GULP1: variants seen among roughly 807,000 people sequenced by gnomAD.
The protein encoded by GULP1 is GULP PTB domain containing engulfment adaptor 1.
GULP1 carries 19 observed loss-of-function variants against 40.9 expected under a neutral mutation model. That is an observed-to-expected ratio of 0.46 (90% CI 0.32 to 0.68). The LOEUF (loss-of-function observed/expected upper bound fraction) is 0.68. Ranked by LOEUF, GULP1 falls within the 30% of genes least tolerant of loss-of-function variation. The probability of loss-of-function intolerance (pLI) is 0.03; values close to 1 mark genes in which losing one functional copy is unlikely to be tolerated. For synonymous variants in GULP1, 119 were observed against 117.6 expected (o/e 1.01, Z -0.08); for missense variants, 312 against 362.2 (o/e 0.86, Z 1.12).
chr2:188,329,662 A>T (rs2041282102), intron 1 of GULP1, among the ~76,000 whole-genome samples: 1 of 152,152 alleles, frequency 6.6e-6, no homozygotes, highest in Non-Finnish European at 1.5e-5. Flanking sequence ...ATAAGCTTAT[A>T]ATGTGTCACT....
intron 2 of GULP1, among the ~76,000 whole-genome samples, chr2:188,416,534 C>A (rs2054604078): frequency 6.6e-6 from 1 of 152,114 alleles, no homozygotes; most frequent in Non-Finnish European, 1.5e-5. Flanking sequence ...GCTAGACACT[C>A]AGTTTCAGGA....
At chr2:188,317,907 T>G (rs1014267979) in intron 1 of GULP1, among the ~76,000 whole-genome samples, 4 of 152,082 alleles carry the variant, frequency 2.6e-5, no homozygotes, top group African/African-American at 9.7e-5. Flanking sequence ...ATTGATTTTA[T>G]GATCACAGCT....
At chr2:188,315,359 G>C (rs1311570137) in intron 1 of GULP1, among the ~76,000 whole-genome samples, 1 of 152,102 alleles carries the variant, frequency 6.6e-6, no homozygotes, top group East Asian at 1.9e-4. Flanking sequence ...AGAAAACATA[G>C]TAAATATAAG....
chr2:188,475,918 A>C (rs938543579), intron 2 of GULP1, among the ~76,000 whole-genome samples: 1 of 152,132 alleles, frequency 6.6e-6, no homozygotes, highest in South Asian at 2.1e-4. Context: ...GAAAATGCAT[A>C]ATTTCTTGGT....
chr2:188,500,793 C>T (rs962292632), intron 4 of GULP1, among the ~76,000 whole-genome samples: 1 of 151,918 alleles, frequency 6.6e-6, no homozygotes, highest in South Asian at 2.1e-4. Context: ...GATACTCCCT[C>T]AATGGGGCCC....
intron 9 of GULP1, among the ~76,000 whole-genome samples, chr2:188,571,837 T>A (rs894704512): frequency 9.2e-5 from 14 of 152,204 alleles, no homozygotes; most frequent in Non-Finnish European, 2.1e-4. Context: ...ACGTAGTTGT[T>A]TCTGGAATTC....
At position 188,551,450 on chromosome 2, in the gene GULP1, A is replaced by C. The variant is rs116532948; in HGVS notation, c.399+10132A>C. 3.1e-3 allele frequency among the ~76,000 whole-genome samples: 478 copies of C among 151,750 alleles called. 6 individuals carry two copies. The highest frequency in any genetic ancestry group is 0.01 in the African/African-American group (426 of 41,494). On this transcript the variant is annotated intron_variant, in intron 7 of 11. Transcript: ENST00000409830. ...TGTCTTTTTGTGCCTTATTTATTTC[A>C]CTTAAGATAATGACCTCCAGTTCCA...
intron 2 of GULP1, among the ~76,000 whole-genome samples, chr2:188,416,657 A>G (rs917387544): frequency 5.3e-5 from 8 of 152,188 alleles, no homozygotes; most frequent in Non-Finnish European, 1.5e-5. Context: ...TAATTCACCT[A>G]CATCAATTTG....
At chr2:188,422,648 A>G (rs1398160483) in intron 2 of GULP1, among the ~76,000 whole-genome samples, 3 of 152,104 alleles carry the variant, frequency 2.0e-5, no homozygotes, top group East Asian at 1.9e-4. Flanking sequence ...TTCAAATTTA[A>G]TTGATAATTT....
intron 7 of GULP1, among the ~76,000 whole-genome samples, chr2:188,547,373 G>A (rs1692243788): frequency 6.6e-6 from 1 of 151,864 alleles, no homozygotes; most frequent in African/African-American, 2.4e-5. Flanking sequence ...ATATATATTG[G>A]AAGTTTATTA....
intron 2 of GULP1, among the ~76,000 whole-genome samples, chr2:188,424,015 T>G (rs1450591802): frequency 6.6e-6 from 1 of 151,868 alleles, no homozygotes; most frequent in African/African-American, 2.4e-5. Flanking sequence ...TCATTTAATA[T>G]AGGCTTTAAA....
chr2:188,436,582 A>T (rs933546012), intron 2 of GULP1, among the ~76,000 whole-genome samples: 1 of 152,084 alleles, frequency 6.6e-6, no homozygotes, highest in Non-Finnish European at 1.5e-5. Flanking sequence ...AAACTGGCAA[A>T]CATGGATCCC....
intron 7 of GULP1, chr2:188,541,663 C>T (rs1045931118): frequency 1.6e-5 from 7 of 433,278 alleles, no homozygotes; most frequent in African/African-American, 1.4e-4. Flanking sequence ...ATAATACAAA[C>T]AGTAGTGGTG....
chr2:188,595,024 G>A lies in GULP1; in HGVS notation c.*1013G>A, dbSNP rs1308609799. ...TATCAATATTTGGTAAATTCAATCT[G>A]TATTTGTTTTGTTAAAGTCAAAAAT... On this transcript the variant is annotated 3_prime_UTR_variant, in exon 12 of 12. Coordinates refer to ENST00000409830, the MANE Select transcript of GULP1 (RefSeq NM_016315.4). The A allele has an allele frequency of 1.3e-4, 18 of 140,328 alleles. No individual in the cohort carries two copies. In the Admixed American group the frequency reaches 1.3e-3, roughly 10 times the overall value. The allele number at this position is 140,328 out of a possible 1,614,324, so 8.7% of individuals were successfully genotyped here. A position where few individuals can be genotyped will look rare whatever the true frequency, so the allele number is the denominator to read the frequency against.
chr2:188,477,549 G>A (rs1335896249), intron 2 of GULP1, 110 bp from the exon 3 acceptor site: 2 of 575,112 alleles, frequency 3.5e-6, no homozygotes, highest in African/African-American at 2.0e-5. Context: ...AATATTGTTT[G>A]TAAATATTTT....
At chr2:188,464,007 G>A (rs1371850268) in intron 2 of GULP1, among the ~76,000 whole-genome samples, 1 of 152,000 alleles carries the variant, frequency 6.6e-6, no homozygotes, top group Non-Finnish European at 1.5e-5. Flanking sequence ...CTCCAGGATT[G>A]TTCCCTGATG....
chr2:188,367,616 A>C (rs916739013), intron 1 of GULP1, among the ~76,000 whole-genome samples: 2 of 152,172 alleles, frequency 1.3e-5, no homozygotes, highest in Non-Finnish European at 2.9e-5. Flanking sequence ...GTGTGACAAA[A>C]GTACATTAAG....
Position 188,292,206 on chromosome 2 carries a change from C to T in GULP1, c.-172+40C>T, listed in dbSNP as rs1261480430. The T allele has an allele frequency of 6.6e-6, 1 of 152,502 alleles. No homozygotes were observed. The highest frequency in any genetic ancestry group is 2.4e-5 in the African/African-American group (1 of 41,462). The allele number at this position is 152,502 out of a possible 1,614,324, so 9.4% of individuals were successfully genotyped here. A position where few individuals can be genotyped will look rare whatever the true frequency, so the allele number is the denominator to read the frequency against. ...CTAGGCTCTTCCCTGGCTGCGAACC[C>T]AGGCTCCCTCCAGGTAGCGTGGAAT... On this transcript the variant is annotated intron_variant, in intron 1 of 11. Transcript: ENST00000409830. This position sits in a 1 kb window ranked among gnomAD's most constrained non-coding sequence, Gnocchi z 4.0.
At position 188,595,826 on chromosome 2, in the gene GULP1, T is replaced by C. The variant is rs8273; in HGVS notation, c.*1815T>C. The C allele has an allele frequency of 0.81, 123,105 of 152,070 alleles. 51,194 individuals carry two copies. Among genetic ancestry groups the C allele is most frequent in the South Asian group, 0.97 (4,666 of 4,820 alleles). 9.4% of individuals were successfully genotyped at this position (152,070 alleles called of 1,614,324 possible). ...ACTGGTCATTAATTATGAACATTTA[T>C]TTCTCCAGTGCGTTTTTATGAAGAT... is the stretch of plus-strand genomic sequence containing the variant. On this transcript the variant is annotated 3_prime_UTR_variant, in exon 12 of 12. Transcript: ENST00000409830.
Sources: allele counts gnomAD v4.1 joint callset (sites outside exome capture counted in the v4.1 genomes callset), GRCh38; gene constraint gnomAD v4.1.1; non-coding constraint Gnocchi (gnomAD v3.1); transcripts MANE v1.5; gene names NCBI Gene and HGNC (gene_info 2026-07-23, HGNC 2026-07-21).